The following FAR2 variants were observed in gnomAD, a reference collection of about 807,000 sequenced individuals.
The protein encoded by FAR2 is epididymis secretory protein Li 81.
Under a neutral mutation model 56.0 loss-of-function variants are expected in FAR2, and 19 were observed. The observed-to-expected ratio is 0.34, with a 90% CI of 0.24 to 0.50. The LOEUF is 0.50. Ranked by LOEUF, FAR2 falls within the 20% of genes least tolerant of loss-of-function variation. The probability of loss-of-function intolerance (pLI) is 0.98; values close to 1 mark genes in which losing one functional copy is unlikely to be tolerated. For synonymous variants in FAR2, 219 were observed against 218.8 expected, an observed-to-expected ratio of 1.00 and a Z score of -0.01; for missense variants, 508 against 642.2, an observed-to-expected ratio of 0.79 and a Z score of 2.26.
chr12:29,170,271 C>T (rs899797742), intron 1 of FAR2, among the ~76,000 whole-genome samples: 1 of 152,230 alleles, frequency 6.6e-6, no homozygotes, highest in African/African-American at 2.4e-5. Context: ...ACATCTATCT[C>T]CTGTCCTGAA....
chr12:29,329,151 C>G (rs900191245), intron 10 of FAR2, among the ~76,000 whole-genome samples: 1 of 152,182 alleles, frequency 6.6e-6, no homozygotes, highest in Non-Finnish European at 1.5e-5. Flanking sequence ...GAAATGTTTA[C>G]ATATCACATA....
chr12:29,193,788 T>C (rs947022324), intron 1 of FAR2, among the ~76,000 whole-genome samples: 1 of 152,236 alleles, frequency 6.6e-6, no homozygotes, highest in East Asian at 1.9e-4. Flanking sequence ...CTGAATCATA[T>C]GGTATGAGCA....
intron 1 of FAR2, among the ~76,000 whole-genome samples, chr12:29,247,322 A>G (rs1003117391): frequency 2.0e-5 from 3 of 152,214 alleles, no homozygotes; most frequent in African/African-American, 2.4e-5. Context: ...AGATACAGTT[A>G]ATAAATACTG....
chr12:29,249,630 A>T (rs1050858429), intron 1 of FAR2, among the ~76,000 whole-genome samples: 1 of 152,238 alleles, frequency 6.6e-6, no homozygotes, highest in Non-Finnish European at 1.5e-5. Flanking sequence ...TAGTGCAACT[A>T]GAAACTTAGA....
chr12:29,333,499 C>T, intron 11 of FAR2, 133 bp from the exon 12 acceptor site: 1 of 783,274 alleles, frequency 1.3e-6, no homozygotes. Flanking sequence ...ACCAATTGGC[C>T]AAGTTATATC....
chr12:29,252,844 G>A (rs1948235090), intron 1 of FAR2, among the ~76,000 whole-genome samples: 2 of 152,164 alleles, frequency 1.3e-5, no homozygotes, highest in South Asian at 4.1e-4. Flanking sequence ...ACTTGGCTGG[G>A]CAGTAGTGCC....
At chr12:29,323,842 C>A (rs1290373040) in intron 10 of FAR2, among the ~76,000 whole-genome samples, 1 of 152,210 alleles carries the variant, frequency 6.6e-6, no homozygotes. Flanking sequence ...CAGAGTGCCT[C>A]TCTTCCTCCA....
At chr12:29,263,236 G>A (rs1948454461) in intron 1 of FAR2, among the ~76,000 whole-genome samples, 1 of 152,106 alleles carries the variant, frequency 6.6e-6, no homozygotes. Context: ...GCATTGGACA[G>A]ACCTCTCAGA....
chr12:29,236,364 GC>G (rs1224502799), intron 1 of FAR2, among the ~76,000 whole-genome samples: 2 of 152,126 alleles, frequency 1.3e-5, no homozygotes, highest in Admixed American at 6.6e-5. Flanking sequence ...CCAGGATGTG[GC>G]TGAGAAAAGG....
intron 1 of FAR2, among the ~76,000 whole-genome samples, chr12:29,155,273 C>A (rs2136572338): frequency 6.6e-6 from 1 of 152,304 alleles, no homozygotes; most frequent in Admixed American, 6.5e-5. Flanking sequence ...CTTTGTAAGC[C>A]ATCCCCTGCA....
At chr12:29,159,042 C>G (rs774076522) in intron 1 of FAR2, among the ~76,000 whole-genome samples, 1 of 152,198 alleles carries the variant, frequency 6.6e-6, no homozygotes, top group Non-Finnish European at 1.5e-5. Flanking sequence ...AGTTATAGTA[C>G]CAGCCCTCAA....
At chr12:29,188,029 G>A (rs1950060674) in intron 1 of FAR2, among the ~76,000 whole-genome samples, 1 of 152,134 alleles carries the variant, frequency 6.6e-6, no homozygotes, top group Non-Finnish European at 1.5e-5. Flanking sequence ...CACTATGACT[G>A]TATAGACTGC....
chr12:29,157,106 T>TTACA (rs1555176820), intron 1 of FAR2: 1 of 73,458 alleles, frequency 1.4e-5, no homozygotes, highest in African/African-American at 5.3e-5. Context: ...AAAGAACATT[T>TTACA]TATATATATA....
chr12:29,203,257 C>G (rs1947436699), intron 1 of FAR2, among the ~76,000 whole-genome samples: 1 of 152,206 alleles, frequency 6.6e-6, no homozygotes, highest in South Asian at 2.1e-4. Flanking sequence ...CCAGGACTCT[C>G]TTCCTTAAGC....
intron 1 of FAR2, among the ~76,000 whole-genome samples, chr12:29,173,587 G>A (rs1302444844): frequency 1.3e-5 from 2 of 152,118 alleles, no homozygotes; most frequent in Non-Finnish European, 2.9e-5. Context: ...AGAGAATACT[G>A]GGGCCAGGCC....
At chr12:29,168,240 C>A (rs561947574) in intron 1 of FAR2, among the ~76,000 whole-genome samples, 40 of 152,146 alleles carry the variant, frequency 2.6e-4, no homozygotes, top group East Asian at 1.9e-4. Context: ...ATTAGATGAA[C>A]CTTTGCCTTT....
chr12:29,246,595 A>G (rs1387027968), intron 1 of FAR2, among the ~76,000 whole-genome samples: 1 of 152,242 alleles, frequency 6.6e-6, no homozygotes, highest in African/African-American at 2.4e-5. Flanking sequence ...TTGCATCAGC[A>G]TATAAATTCT....
At chr12:29,257,364 T>C (rs1444632088) in intron 1 of FAR2, among the ~76,000 whole-genome samples, 4 of 152,128 alleles carry the variant, frequency 2.6e-5, no homozygotes, top group Non-Finnish European at 5.9e-5. Flanking sequence ...TCAGGGATTG[T>C]AAATGCACCA....
At chr12:29,194,414 C>T (rs916792992) in intron 1 of FAR2, among the ~76,000 whole-genome samples, 1 of 151,928 alleles carries the variant, frequency 6.6e-6, no homozygotes, top group African/African-American at 2.4e-5. Flanking sequence ...GCCTGCATTC[C>T]ATGAGACCCA....
Sources: allele counts gnomAD v4.1 joint callset (sites outside exome capture counted in the v4.1 genomes callset), GRCh38; gene constraint gnomAD v4.1.1; transcripts MANE v1.5; gene names NCBI Gene and HGNC (gene_info 2026-07-23, HGNC 2026-07-21).